The following PPP2R3B variants were observed in gnomAD, a reference collection of about 807,000 sequenced individuals.
PPP2R3B encodes the protein protein phosphatase 2 regulatory subunit B''beta.
PPP2R3B carries 68 observed loss-of-function variants against 72.9 expected under a neutral mutation model. The ratio of observed to expected loss-of-function variants is 0.93; its 90% CI spans 0.77 to 1.14. PPP2R3B has a LOEUF of 1.14. Ranked by LOEUF, PPP2R3B falls within the 50% of genes most tolerant of loss-of-function variation. The pLI, the probability that PPP2R3B is intolerant of heterozygous loss-of-function variation, is 0.00. For missense variants in PPP2R3B, 1,018 were observed against 842.0 expected, an observed-to-expected ratio of 1.21 and a Z score of -2.59; for synonymous variants, 466 against 375.8, an observed-to-expected ratio of 1.24 and a Z score of -2.78.
intron 2 of PPP2R3B, among the ~76,000 whole-genome samples, chrX:354,165 AGGGACT>A (rs2071393289): frequency 9.8e-6 from 1 of 102,454 alleles, no homozygotes; most frequent in Non-Finnish European, 2.2e-5. Context: ...GGGCTCACCC[AGGGACT>A]AGGGGCTCAC....
intron 1 of PPP2R3B, among the ~76,000 whole-genome samples, chrX:375,857 C>A (rs1217120249): frequency 1.3e-5 from 2 of 152,236 alleles, no homozygotes; most frequent in Admixed American, 6.5e-5. Context: ...GTGACACACA[C>A]CCCTGTGGAC....
At chrX:384,107 A>C (rs2072189434) in intron 1 of PPP2R3B, among the ~76,000 whole-genome samples, 1 of 151,868 alleles carries the variant, frequency 6.6e-6, no homozygotes, top group Non-Finnish European at 1.5e-5. Context: ...CCAACTGCCA[A>C]AGCATTTCTT....
At chrX:348,575 C>CAAAAAAAAA (rs558039195) in intron 2 of PPP2R3B, among the ~76,000 whole-genome samples, 1 of 118,702 alleles carries the variant, frequency 8.4e-6, no homozygotes, top group South Asian at 2.8e-4. Context: ...GACTCTGTCT[C>CAAAAAAAAA]AAAAAAAGAG....
chrX:364,101 C>T (rs2071628594), intron 1 of PPP2R3B, among the ~76,000 whole-genome samples: 1 of 152,246 alleles, frequency 6.6e-6, no homozygotes, highest in Non-Finnish European at 1.5e-5. Flanking sequence ...CGAGCGGGCT[C>T]ACCCGAAATC....
rs756555017 is a variant in PPP2R3B, at chrX:361,634, C to G, written c.325-44G>C. On this transcript the variant is annotated intron_variant, in intron 1 of 12. Transcript: ENST00000390665. ...GCGCTCAGTTAGAACCTGGGAGCAT[C>G]GAACGCCTTCTTCACCCGGACAACA... The G allele has an allele frequency of 6.2e-6, 10 of 1,601,996 alleles. No individual in the cohort carries two copies. The Admixed American group carries it at 1.7e-4, about 27-fold the overall frequency.
intron 1 of PPP2R3B, among the ~76,000 whole-genome samples, chrX:372,892 C>T (rs1376939305): frequency 2.0e-5 from 3 of 152,174 alleles, no homozygotes; most frequent in Non-Finnish European, 2.9e-5. Flanking sequence ...AGCGCCGCTG[C>T]ACTCCAGCCT....
At chrX:349,267 C>T (rs2071281833) in intron 2 of PPP2R3B, among the ~76,000 whole-genome samples, 2 of 152,110 alleles carry the variant, frequency 1.3e-5, no homozygotes, top group South Asian at 2.1e-4. Context: ...AGCGGGAAGG[C>T]GCCGTCGATG....
chrX:346,460 C>A, intron 5 of PPP2R3B, 200 bp from the exon 6 acceptor site: 1 of 630,786 alleles, frequency 1.6e-6, no homozygotes, highest in Non-Finnish European at 2.7e-6. Context: ...TGGCCGGGGA[C>A]GCCCCGGAGC....
At chrX:375,844 C>T (rs5987278) in intron 1 of PPP2R3B, among the ~76,000 whole-genome samples, 7 of 77,084 alleles carry the variant, frequency 9.1e-5, no homozygotes, top group African/African-American at 1.7e-4. Context: ...CCTGCCACGG[C>T]GGGTGACACA....
intron 1 of PPP2R3B, among the ~76,000 whole-genome samples, chrX:369,545 G>C (rs2071809222): frequency 6.6e-6 from 1 of 152,208 alleles, no homozygotes; most frequent in South Asian, 2.1e-4. Flanking sequence ...CTAACACTGA[G>C]GCTGCCTGTT....
rs73178045 is a variant in PPP2R3B, at chrX:361,600, C to A, written c.325-10G>T. 6.2e-7 allele frequency: 1 copy of A among 1,613,022 alleles called. No individual in the cohort carries two copies. Among genetic ancestry groups the A allele is most frequent in the Admixed American group, 1.7e-5 (1 of 59,970 alleles). On this transcript the variant is annotated splice_polypyrimidine_tract_variant and intron_variant, in intron 1 of 12. Coordinates refer to ENST00000390665, the MANE Select transcript of PPP2R3B (RefSeq NM_013239.5). ...CTTTCCGTGTCTGAACCTGAAGAGT[C>A]GACAGACAGCGCTCAGTTAGAACCT...
intron 1 of PPP2R3B, among the ~76,000 whole-genome samples, chrX:383,730 T>G (rs778101531): frequency 6.9e-6 from 1 of 144,684 alleles, no homozygotes; most frequent in East Asian, 2.1e-4. Flanking sequence ...CCCAGCTACT[T>G]GGGAGGCTGA....
Position 340,893 on chromosome X carries a change from AGG to A in PPP2R3B, c.1221_1222del (p.Leu408ValfsTer42). On this transcript the variant is annotated frameshift_variant, in exon 10 of 13. Coordinates refer to ENST00000390665, the MANE Select transcript of PPP2R3B (RefSeq NM_013239.5). LOFTEE classifies it high-confidence loss of function. Reference sequence around the variant, plus strand: ...GAAGTACTCGAGCTCGAACATGGACAGGGCGCCGTCCCCGTCCAGGTCCATGC... The same window carrying A: ...GAAGTACTCGAGCTCGAACATGGACAGCGCCGTCCCCGTCCAGGTCCATGC... 1 of 1,611,928 alleles carries A rather than the reference AGG, an allele frequency of 6.2e-7. No homozygotes were observed. The highest frequency in any genetic ancestry group is 8.5e-7 in the Non-Finnish European group (1 of 1,179,670).
chrX:346,397 G>A, intron 5 of PPP2R3B, 137 bp from the exon 6 acceptor site: 1 of 852,458 alleles, frequency 1.2e-6, no homozygotes, highest in Non-Finnish European at 1.8e-6. Context: ...CGGGGGCAGA[G>A]GGAAGGGCCC....
chrX:386,384 G>A lies in PPP2R3B; in HGVS notation c.308C>T (p.Ser103Phe). 4.5e-6 allele frequency: 6 copies of A among 1,320,458 alleles called. No individual in the cohort carries two copies. Among genetic ancestry groups the A allele is most frequent in the Non-Finnish European group, 5.8e-6 (6 of 1,029,382 alleles). The allele number at this position is 1,320,458 out of a possible 1,614,324, so 81.8% of individuals were successfully genotyped here. A position where few individuals can be genotyped will look rare whatever the true frequency, so the allele number is the denominator to read the frequency against. ...GTAACTTACTACTCTCGTCCCTGCGGATCTACGGGTGCCTCGAACGTGGGG... is the reference window on the plus strand; with the variant it reads ...GTAACTTACTACTCTCGTCCCTGCGAATCTACGGGTGCCTCGAACGTGGGG... ...NAPHVRGTRR[S>F]AGTRVVQTRK... The change falls in exon 1 of 13, where the codon TCC becomes TTC. Residue 103 changes from serine (S) to phenylalanine (F), a missense_variant. By Grantham distance (155) the Ser-to-Phe change is radical (BLOSUM62 -2). Coordinates refer to ENST00000390665, the MANE Select transcript of PPP2R3B (RefSeq NM_013239.5).
At position 338,966 on chromosome X, in the gene PPP2R3B, G is replaced by A. The variant is rs775772838; in HGVS notation, c.1352-70C>T. 101 of 1,290,852 alleles carry A rather than the reference G, an allele frequency of 7.8e-5. 2 individuals carry two copies. Among genetic ancestry groups the A allele is most frequent in the Admixed American group, 1.9e-4 (11 of 59,406 alleles). The allele number at this position is 1,290,852 out of a possible 1,614,324, so 80.0% of individuals were successfully genotyped here. A position where few individuals can be genotyped will look rare whatever the true frequency, so the allele number is the denominator to read the frequency against. On this transcript the variant is annotated intron_variant, in intron 10 of 12. Coordinates refer to ENST00000390665, the MANE Select transcript of PPP2R3B (RefSeq NM_013239.5). ...CCTTCGGGGCCTGGGTGTGGGGTGC[G>A]CGCGTCCTGTCACACGTGCTTAAGG...
At chrX:349,960 C>A (rs1030764481) in intron 2 of PPP2R3B, among the ~76,000 whole-genome samples, 6 of 152,086 alleles carry the variant, frequency 3.9e-5, no homozygotes, top group African/African-American at 1.4e-4. Flanking sequence ...TCCAGCAATC[C>A]CCATCCACAT....
chrX:338,876 G>A lies in PPP2R3B; in HGVS notation c.1372C>T (p.Leu458=). Residue 458 remains leucine (L), a synonymous_variant, in exon 11 of 13, where the codon CTG becomes TTG. Transcript: ENST00000390665. Reference sequence around the variant, plus strand: ...ACGTTAGCCAGCTTGCAGCGCTTCAGGTCCTGCAGCGTGATCTTCCCTGCG... The same window carrying A: ...ACGTTAGCCAGCTTGCAGCGCTTCAAGTCCTGCAGCGTGATCTTCCCTGCG... ...RTEGKITLQD[L]KRCKLANVFF... is the part of the protein sequence containing the mutation. The A allele has an allele frequency of 1.2e-6, 2 of 1,612,416 alleles. No homozygotes were observed. Among genetic ancestry groups the A allele is most frequent in the Non-Finnish European group, 8.5e-7 (1 of 1,179,676 alleles).
At chrX:334,762 C>T (rs752887041) in intron 12 of PPP2R3B, 31 of 450,102 alleles carry the variant, frequency 6.9e-5, no homozygotes, top group African/African-American at 3.9e-4. Flanking sequence ...GAGCCCCGGG[C>T]GTGAGCTACA....
Sources: allele counts gnomAD v4.1 joint callset (sites outside exome capture counted in the v4.1 genomes callset), GRCh38; gene constraint gnomAD v4.1.1; transcripts MANE v1.5; gene names NCBI Gene and HGNC (gene_info 2026-07-23, HGNC 2026-07-21).